Variants in TAOK3 observed in about 807,000 individuals in gnomAD.
TAOK3 encodes the protein serine/threonine-protein kinase TAO3.
A neutral mutation model predicts 120.4 loss-of-function variants in TAOK3; 40 were observed. The observed-to-expected ratio is 0.33, with a 90% CI of 0.26 to 0.43. The LOEUF is 0.43. Among genes scored for constraint, TAOK3 ranks in the 20% least tolerant of loss-of-function variants. The pLI, the probability that TAOK3 is intolerant of heterozygous loss-of-function variation, is 1.00. For missense variants in TAOK3, 821 were observed against 1,112.1 expected (o/e 0.74, Z 3.72); for synonymous variants, 355 against 387.5 (o/e 0.92, Z 0.99).
At chr12:118,321,364 T>G (rs1368330450) in intron 1 of TAOK3, among the ~76,000 whole-genome samples, 3 of 152,048 alleles carry the variant, frequency 2.0e-5, no homozygotes. Flanking sequence ...AGGCTCAAGC[T>G]ATCCTCCCAC....
At chr12:118,305,137 T>C (rs1430613101) in intron 1 of TAOK3, among the ~76,000 whole-genome samples, 2 of 152,188 alleles carry the variant, frequency 1.3e-5, no homozygotes, top group Non-Finnish European at 2.9e-5. Flanking sequence ...TTTAATAAGA[T>C]AGTGTATGTA....
chr12:118,267,055 C>T (rs1189453618), intron 1 of TAOK3, among the ~76,000 whole-genome samples: 1 of 152,172 alleles, frequency 6.6e-6, no homozygotes, highest in Non-Finnish European at 1.5e-5. Context: ...GTAGACAGCA[C>T]TAATCTGACA....
At chr12:118,202,175 A>AAT (rs1255412358) in intron 11 of TAOK3, among the ~76,000 whole-genome samples, 1 of 148,716 alleles carries the variant, frequency 6.7e-6, no homozygotes, top group Non-Finnish European at 1.5e-5. Context: ...ATATATAATA[A>AAT]ATATATATAA....
intron 9 of TAOK3, among the ~76,000 whole-genome samples, chr12:118,224,441 G>A (rs749249779): frequency 1.3e-5 from 2 of 152,166 alleles, no homozygotes; most frequent in Admixed American, 6.5e-5. Flanking sequence ...TTTGTGTTTT[G>A]TTCTTTCCTG....
intron 19 of TAOK3, chr12:118,159,649 T>C (rs2035088016): frequency 6.2e-6 from 1 of 160,634 alleles, no homozygotes; most frequent in South Asian, 1.8e-4. Context: ...ACCACCTGGC[T>C]TGACTGACAA....
At chr12:118,230,790 G>A (rs1440578708) in intron 9 of TAOK3, among the ~76,000 whole-genome samples, 1 of 152,022 alleles carries the variant, frequency 6.6e-6, no homozygotes, top group Non-Finnish European at 1.5e-5. Flanking sequence ...CTTTTACGTA[G>A]TATTGTGGGA....
chr12:118,162,393 C>T (rs559428833), intron 17 of TAOK3, among the ~76,000 whole-genome samples: 1 of 152,146 alleles, frequency 6.6e-6, no homozygotes, highest in African/African-American at 2.4e-5. Context: ...GGTCCTACAC[C>T]CTGACGGCCC....
intron 1 of TAOK3, among the ~76,000 whole-genome samples, chr12:118,313,988 C>T (rs2043356099): frequency 6.6e-6 from 1 of 152,140 alleles, no homozygotes; most frequent in Non-Finnish European, 1.5e-5. Context: ...TGCAAGAGCC[C>T]ACTAGTGAAG....
rs1242236630 is a variant in TAOK3 at position 118,210,633 on chromosome 12, C to T, written c.819+2281G>A. Among the ~76,000 whole-genome samples the T allele has an allele frequency of 3.9e-5, 6 of 152,140 alleles. No homozygotes were observed. In the South Asian group the frequency reaches 1.2e-3, roughly 32 times the overall value. On this transcript the variant is annotated intron_variant, in intron 11 of 20. Transcript: ENST00000392533. ...ACCTCCTCGAACGGCCTTCTCCTTA[C>T]CTAAAATAGCAGCACCTGTCAATCT... is the stretch of plus-strand genomic sequence containing the variant.
At chr12:118,357,148 A>T (rs2141273762) in intron 1 of TAOK3, among the ~76,000 whole-genome samples, 1 of 152,364 alleles carries the variant, frequency 6.6e-6, no homozygotes, top group African/African-American at 2.4e-5. Flanking sequence ...GCATCTGGGC[A>T]GAGATGTCAT....
chr12:118,331,225 GAGGCATAC>G (rs1355089592), intron 1 of TAOK3, among the ~76,000 whole-genome samples: 5 of 152,170 alleles, frequency 3.3e-5, no homozygotes, highest in Non-Finnish European at 4.4e-5. Context: ...ATGAATGTAA[GAGGCATAC>G]AGCATGGAGT....
At chr12:118,353,578 A>T (rs1426935871) in intron 1 of TAOK3, among the ~76,000 whole-genome samples, 1 of 152,144 alleles carries the variant, frequency 6.6e-6, no homozygotes, top group Non-Finnish European at 1.5e-5. Flanking sequence ...TAGAAGTAGC[A>T]TTTAAAGAAG....
At position 118,317,359 on chromosome 12, in the gene TAOK3, C is replaced by T. The variant is rs548653097; in HGVS notation, c.-193-50600G>A. On this transcript the variant is annotated intron_variant, in intron 1 of 20. Transcript: ENST00000392533. ...TGTTGCCCAGGCTGGAGTGCAGTGG[C>T]GCGATCTTGGCTCACTACAAGCTCC... 8.8e-3 allele frequency among the ~76,000 whole-genome samples: 1,204 copies of T among 136,316 alleles called. 10 individuals carry two copies. The highest frequency in any genetic ancestry group is 0.02 in the Middle Eastern group (5 of 244). The allele number at this position is 136,316 out of a possible 152,430, so 89.4% of individuals were successfully genotyped here.
chr12:118,258,973 T>C (rs2041110041), intron 2 of TAOK3, among the ~76,000 whole-genome samples: 1 of 152,028 alleles, frequency 6.6e-6, no homozygotes, highest in Non-Finnish European at 1.5e-5. Flanking sequence ...TGCTATGGAT[T>C]TGGGGGGAAA....
At chr12:118,230,592 C>T (rs1378436185) in intron 9 of TAOK3, among the ~76,000 whole-genome samples, 2 of 151,436 alleles carry the variant, frequency 1.3e-5, no homozygotes, top group African/African-American at 4.9e-5. Context: ...CCTCAGCCTC[C>T]CGAGTAGCTG....
chr12:118,255,889 C>A (rs2040961673), intron 2 of TAOK3: 1 of 177,506 alleles, frequency 5.6e-6, no homozygotes, highest in African/African-American at 2.4e-5. Flanking sequence ...TCGAGACCAG[C>A]CTTACCAACA....
At chr12:118,324,968 G>T (rs1297626745) in intron 1 of TAOK3, among the ~76,000 whole-genome samples, 1 of 151,630 alleles carries the variant, frequency 6.6e-6, no homozygotes, top group Non-Finnish European at 1.5e-5. Flanking sequence ...GGATGGTCTC[G>T]ATCTCCTGAC....
intron 1 of TAOK3, among the ~76,000 whole-genome samples, chr12:118,342,424 C>A (rs1161623847): frequency 6.6e-6 from 1 of 152,072 alleles, no homozygotes; most frequent in Non-Finnish European, 1.5e-5. Context: ...CCTTGTTATA[C>A]AAGTAATAAA....
At position 118,199,151 on chromosome 12, in the gene TAOK3, T is replaced by C; in HGVS notation, c.1094A>G (p.Asn365Ser). Residue 365 changes from asparagine to serine, a missense_variant, in exon 13 of 21, where the codon AAC (asparagine) becomes AGC (serine). This residue lies in a region of TAOK3 where 467 missense variants were observed against 540.0 expected (regional missense o/e 0.86). Transcript: ENST00000392533. ...CTCGTCCATGACTTCCTGCATGCTG[T>C]TCACACTGCTGCTCTGGCTGCCTGT... is the stretch of plus-strand genomic sequence containing the variant. Reference protein sequence around the residue: ...VSTGSQSSSVNSMQEVMDESS... With the variant: ...VSTGSQSSSVSSMQEVMDESS... 2 of 1,614,188 alleles carry C rather than the reference T, an allele frequency of 1.2e-6. No individual in the cohort carries two copies. The highest frequency in any genetic ancestry group is 2.2e-5 in the East Asian group (1 of 44,884).
Sources: allele counts gnomAD v4.1 joint callset (sites outside exome capture counted in the v4.1 genomes callset), GRCh38; gene constraint gnomAD v4.1.1; regional missense constraint gnomAD v4.1.1; transcripts MANE v1.5; gene names NCBI Gene and HGNC (gene_info 2026-07-23, HGNC 2026-07-21).